Variants in RPL26L1 observed in about 807,000 individuals in gnomAD.
RPL26L1 encodes ribosomal protein uL24-like.
A neutral mutation model predicts 15.2 loss-of-function variants in RPL26L1; 8 were observed. The ratio of observed to expected loss-of-function variants is 0.53; its 90% CI spans 0.31 to 0.95. The LOEUF is 0.95. RPL26L1 is among the 40% of genes least tolerant of loss of function. The probability of loss-of-function intolerance (pLI) is 0.05; values close to 1 mark genes in which losing one functional copy is unlikely to be tolerated. For missense variants in RPL26L1, 146 were observed against 190.9 expected, an observed-to-expected ratio of 0.76 and a Z score of 1.39; for synonymous variants, 51 against 65.9, an observed-to-expected ratio of 0.77 and a Z score of 1.09.
At chr5:172,958,138 C>CCTGTAATCCCAGATACTGGGGAGGCTGA, upstream of RPL26L1, 1 of 332,930 alleles carries the variant, frequency 3.0e-6, no homozygotes, top group Non-Finnish European at 6.0e-6. Context: ...GTGGCGCATA[C>CCTGTAATCCCAGATACTGGGGAGGCTGA]CTGTAATCCC....
chr5:172,958,305 G>A (rs1179240333), upstream of RPL26L1: 1 of 437,724 alleles, frequency 2.3e-6, no homozygotes, highest in Non-Finnish European at 4.6e-6. Context: ...GTAAACGCAG[G>A]TGTTTAACAA....
chr5:172,967,012 C>T (rs542485894), intron 2 of RPL26L1, among the ~76,000 whole-genome samples: 53 of 152,034 alleles, frequency 3.5e-4, no homozygotes, highest in African/African-American at 1.2e-3. Context: ...CCCACCACCA[C>T]GCCCAGCTAA....
intron 2 of RPL26L1, among the ~76,000 whole-genome samples, chr5:172,962,740 C>T (rs1755286806): frequency 6.9e-6 from 1 of 144,342 alleles, no homozygotes; most frequent in African/African-American, 2.6e-5. Flanking sequence ...GGCGTGAACC[C>T]GGGAGGGGGA....
chr5:172,966,581 T>C (rs750527790), intron 2 of RPL26L1, among the ~76,000 whole-genome samples: 2 of 152,042 alleles, frequency 1.3e-5, no homozygotes, highest in Non-Finnish European at 2.9e-5. Flanking sequence ...CTGGGCAGCA[T>C]AGTGAAACCC....
At chr5:172,966,311 C>CTTT (rs1310691278) in intron 2 of RPL26L1, among the ~76,000 whole-genome samples, 22 of 74,168 alleles carry the variant, frequency 3.0e-4, no homozygotes, top group Non-Finnish European at 4.9e-4. Flanking sequence ...GTCTGGCTAA[C>CTTT]TATTTTTTTT....
At chr5:172,960,779 T>C (rs1055899928) in intron 2 of RPL26L1, among the ~76,000 whole-genome samples, 1 of 151,906 alleles carries the variant, frequency 6.6e-6, no homozygotes, top group Non-Finnish European at 1.5e-5. Context: ...CAAAGGAATA[T>C]TTATGGAGCA....
At chr5:172,957,028 A>G, upstream of RPL26L1, 1 of 365,200 alleles carries the variant, frequency 2.7e-6, no homozygotes. Context: ...AGTGACCAAG[A>G]GGCTGAATAT....
chr5:172,955,125 GTTAGTTT>G, upstream of RPL26L1: 1 of 331,748 alleles, frequency 3.0e-6, no homozygotes, highest in East Asian at 8.6e-5. Flanking sequence ...AGTAGCTGTG[GTTAGTTT>G]TTTTTTTTTT....
intron 2 of RPL26L1, among the ~76,000 whole-genome samples, chr5:172,964,267 G>A (rs1280064083): frequency 2.3e-5 from 3 of 129,904 alleles, no homozygotes; most frequent in Non-Finnish European, 5.0e-5. Context: ...GAGCCACAGT[G>A]TCTGGCCTGT....
chr5:172,958,209 A>G (rs1341413998), upstream of RPL26L1: 2 of 370,088 alleles, frequency 5.4e-6, no homozygotes, highest in Non-Finnish European at 1.1e-5. Flanking sequence ...GGTTGCGGTG[A>G]GCCGAGATGG....
chr5:172,963,496 C>A (rs1485531375), intron 2 of RPL26L1, among the ~76,000 whole-genome samples: 9 of 152,132 alleles, frequency 5.9e-5, no homozygotes, highest in African/African-American at 2.2e-4. Flanking sequence ...CCACACTGGG[C>A]TTCTGGGGTC....
rs149019869 is a variant in RPL26L1, at chr5:172,960,323, C to T, written c.168+282C>T. Among the ~76,000 whole-genome samples, 852 of 152,186 alleles carry T rather than the reference C, an allele frequency of 5.6e-3. 7 individuals carry two copies. Among genetic ancestry groups the T allele is most frequent in the African/African-American group, 0.019 (779 of 41,526 alleles). ...TAGAGATAGGGTCTTGCTATGTTGC[C>T]CAGGCTGGTCTCTGAACTCCTGGCC... On this transcript the variant is annotated intron_variant, in intron 2 of 3. Transcript: ENST00000265100.
At chr5:172,966,830 G>A (rs1211437499) in intron 2 of RPL26L1, among the ~76,000 whole-genome samples, 1 of 151,234 alleles carries the variant, frequency 6.6e-6, no homozygotes, top group Non-Finnish European at 1.5e-5. Flanking sequence ...TCTCCTCTAT[G>A]CTTATTAATC....
upstream of RPL26L1, chr5:172,958,467 G>A (rs1755069229): frequency 2.2e-6 from 1 of 455,946 alleles, no homozygotes; most frequent in Non-Finnish European, 4.4e-6. Context: ...TATATGGAAT[G>A]AATGAACGAA....
At chr5:172,961,832 A>G (rs1465025008) in intron 2 of RPL26L1, among the ~76,000 whole-genome samples, 1 of 152,174 alleles carries the variant, frequency 6.6e-6, no homozygotes, top group African/African-American at 2.4e-5. Context: ...TGTATATCTG[A>G]CTACCTATAA....
chr5:172,963,339 A>G (rs1755317241), intron 2 of RPL26L1, among the ~76,000 whole-genome samples: 1 of 150,684 alleles, frequency 6.6e-6, no homozygotes, highest in Non-Finnish European at 1.5e-5. Context: ...GCGCCACTGC[A>G]CTCCAGCCTG....
upstream of RPL26L1, chr5:172,959,146 C>T (rs1295508434): frequency 2.6e-5 from 4 of 153,076 alleles, no homozygotes; most frequent in African/African-American, 9.7e-5. Context: ...GGCGTGAACC[C>T]GGGAGGCGGA....
intron 2 of RPL26L1, among the ~76,000 whole-genome samples, chr5:172,967,845 T>G (rs141024154): frequency 1.3e-5 from 2 of 151,632 alleles, no homozygotes; most frequent in African/African-American, 2.4e-5. Flanking sequence ...CATATATGTA[T>G]GTTACATATA....
intron 2 of RPL26L1, among the ~76,000 whole-genome samples, chr5:172,965,811 G>A (rs1755429215): frequency 6.6e-6 from 1 of 152,196 alleles, no homozygotes; most frequent in Non-Finnish European, 1.5e-5. Flanking sequence ...CTCTGTGGAT[G>A]ACTCCCACGT....
Sources: gnomAD v4.1 joint callset for allele counts (sites outside exome capture counted in the v4.1 genomes callset) on GRCh38, gnomAD v4.1.1 for gene constraint, MANE v1.5 for transcripts, NCBI Gene and HGNC (gene_info 2026-07-23, HGNC 2026-07-21) for gene names.